Variants in RLIM observed in about 807,000 individuals in gnomAD.
RLIM encodes E3 ubiquitin-protein ligase RLIM.
In RLIM, 2 loss-of-function variants were observed where a neutral mutation model predicts 34.0. That is an observed-to-expected ratio of 0.06 (90% CI 0.02 to 0.19). The LOEUF (loss-of-function observed/expected upper bound fraction) is 0.19, where lower values mean the gene tolerates loss of function less well. Ranked by LOEUF, RLIM falls within the 10% of genes least tolerant of loss-of-function variation. The pLI is 1.00. For synonymous variants in RLIM, 169 were observed against 164.0 expected, an observed-to-expected ratio of 1.03 and a Z score of -0.23; for missense variants, 286 against 479.7, an observed-to-expected ratio of 0.60 and a Z score of 3.77.
In RLIM at chrX:74,595,852, T is replaced by C. The variant is rs1464627509; in HGVS notation, c.126A>G (p.Glu42=). The C allele has an allele frequency of 1.7e-6, 2 of 1,207,614 alleles. No individual in the cohort carries two copies. ...TGTTATCTCTCATAAGCCTATAATC[T>C]TCTTCACTCAGGTTATTTACAAATT... ...FYQFVNNLSE[E]DYRLMRDNNL... is the part of the protein sequence containing the mutation. Residue 42 remains glutamate, a synonymous_variant, in exon 2 of 4, where the codon GAA becomes GAG. Transcript: ENST00000332687.
chrX:74,587,540 A>T lies in RLIM; in HGVS notation c.*3900T>A, dbSNP rs751523159. 1.3e-4 allele frequency: 14 copies of T among 111,920 alleles called. No individual in the cohort carries two copies. The highest frequency in any genetic ancestry group is 2.6e-4 in the Non-Finnish European group (14 of 53,199). The allele number at this position is 111,920 out of a possible 1,213,427, so 9.2% of individuals were successfully genotyped here. On this transcript the variant is annotated 3_prime_UTR_variant, in exon 4 of 4. Transcript: ENST00000332687. ...CAAAGGAGAAAAGGGGAAGAATAAA[A>T]ACATTCTCCATCTTTAAAAGAAAAA...
intron 1 of RLIM, among the ~76,000 whole-genome samples, chrX:74,600,098 C>G (rs1457850821): frequency 9.1e-6 from 1 of 109,972 alleles, no homozygotes; most frequent in Non-Finnish European, 1.9e-5. Flanking sequence ...ATGAGTATGT[C>G]AAGAAATGTG....
At chrX:74,603,649 C>G (rs2079670334) in intron 1 of RLIM, among the ~76,000 whole-genome samples, 1 of 111,789 alleles carries the variant, frequency 8.9e-6, no homozygotes, top group African/African-American at 3.3e-5. Flanking sequence ...AATGTGAACA[C>G]TGAGTTCATT....
chrX:74,604,520 C>T (rs1245405469), intron 1 of RLIM, among the ~76,000 whole-genome samples: 1 of 111,394 alleles, frequency 9.0e-6, no homozygotes, highest in Non-Finnish European at 1.9e-5. Context: ...CCACTATTTG[C>T]ATCCCCTTTA....
intron 1 of RLIM, among the ~76,000 whole-genome samples, chrX:74,600,218 T>C (rs1176699502): frequency 1.8e-5 from 2 of 110,497 alleles, no homozygotes; most frequent in South Asian, 7.6e-4. Context: ...GGTTACTTTA[T>C]AATACTTGAA....
intron 1 of RLIM, among the ~76,000 whole-genome samples, chrX:74,596,353 C>A (rs1168813960): frequency 8.9e-6 from 1 of 112,098 alleles, no homozygotes; most frequent in African/African-American, 3.2e-5. Flanking sequence ...TCAAGTGATT[C>A]TCTGCCTCAG....
Position 74,587,868 on chromosome X carries a change from C to G in RLIM, c.*3572G>C, listed in dbSNP as rs1332505271. Reference sequence around the variant, plus strand: ...ACATTACTTGAGGCAACACTTACAGCCAATCAGTTTCCTAATCTTAAGGTT... The same window carrying G: ...ACATTACTTGAGGCAACACTTACAGGCAATCAGTTTCCTAATCTTAAGGTT... On this transcript the variant is annotated 3_prime_UTR_variant, in exon 4 of 4. Coordinates refer to ENST00000332687, the MANE Select transcript of RLIM (RefSeq NM_016120.4). 1.8e-5 allele frequency: 2 copies of G among 112,193 alleles called. No homozygotes were observed. Among genetic ancestry groups the G allele is most frequent in the South Asian group, 7.3e-4 (2 of 2,732 alleles). The allele number at this position is 112,193 out of a possible 1,213,427, so 9.2% of individuals were successfully genotyped here.
At chrX:74,609,924 T>C (rs2079701279) in intron 1 of RLIM, among the ~76,000 whole-genome samples, 1 of 112,146 alleles carries the variant, frequency 8.9e-6, no homozygotes, top group Non-Finnish European at 1.9e-5. Context: ...ACACAAATAC[T>C]TCCTTTCTCC....
At chrX:74,594,260 T>C (rs768925136) in intron 3 of RLIM, 46 bp downstream of exon 3, 26 of 933,609 alleles carry the variant, frequency 2.8e-5, no homozygotes, top group Non-Finnish European at 3.1e-5. Flanking sequence ...ACAAAGTTCC[T>C]ATCATCCCAT....
rs751313592 is a variant in RLIM, at chrX:74,586,599, A to G, written c.*4841T>C. On this transcript the variant is annotated 3_prime_UTR_variant, in exon 4 of 4. Coordinates refer to ENST00000332687, the MANE Select transcript of RLIM (RefSeq NM_016120.4). ...CAGTTCTAACACTGTTATACAGCTC[A>G]ATTCTATGCTGCAGCCTTTAAGATA... The G allele has an allele frequency of 8.0e-5, 9 of 112,487 alleles. No homozygotes were observed. The highest frequency in any genetic ancestry group is 2.9e-4 in the African/African-American group (9 of 31,031). 9.3% of individuals were successfully genotyped at this position (112,487 alleles called of 1,213,427 possible).
intron 1 of RLIM, among the ~76,000 whole-genome samples, chrX:74,609,687 A>T (rs753220518): frequency 1.8e-5 from 2 of 110,109 alleles, no homozygotes; most frequent in African/African-American, 6.6e-5. Flanking sequence ...TGTCCAGAAG[A>T]GTAAGGGTTT....
intron 1 of RLIM, among the ~76,000 whole-genome samples, chrX:74,600,777 G>A (rs1404345823): frequency 9.3e-6 from 1 of 107,084 alleles, no homozygotes; most frequent in East Asian, 2.9e-4. Context: ...TCTGGGAGGC[G>A]GAGGCAGGTG....
At position 74,589,120 on chromosome X, in the gene RLIM, C is replaced by T. The variant is rs964210902; in HGVS notation, c.*2320G>A. ...AGCATTCTGCTTGAGTTACCTCTTA[C>T]TTTAATACTTCACAAATGAGTAAGT... On this transcript the variant is annotated 3_prime_UTR_variant, in exon 4 of 4. Transcript: ENST00000332687. 8.9e-6 allele frequency: 1 copy of T among 111,808 alleles called. No homozygotes were observed. The highest frequency in any genetic ancestry group is 1.9e-5 in the Non-Finnish European group (1 of 53,187). The allele number at this position is 111,808 out of a possible 1,213,427, so 9.2% of individuals were successfully genotyped here. A position where few individuals can be genotyped will look rare whatever the true frequency, so the allele number is the denominator to read the frequency against.
In RLIM at chrX:74,590,182, G is replaced by A. The variant is rs2079606190; in HGVS notation, c.*1258C>T. On this transcript the variant is annotated 3_prime_UTR_variant, in exon 4 of 4. Transcript: ENST00000332687. ...CAACTGCAATTCATATGCTAAAAGT[G>A]GTTTTATAGTCTCTTTCCTCCATTT... 1 of 111,654 alleles carries A rather than the reference G, an allele frequency of 9.0e-6. No individual in the cohort carries two copies. The highest frequency in any genetic ancestry group is 1.9e-5 in the Non-Finnish European group (1 of 53,124). The allele number at this position is 111,654 out of a possible 1,213,427, so 9.2% of individuals were successfully genotyped here.
At position 74,594,306 on chromosome X, in the gene RLIM, C is replaced by T. The variant is rs759095942; in HGVS notation, c.253G>A (p.Gly85Arg). The change falls in exon 3 of 4, where the codon GGA becomes AGA. Residue 85 changes from glycine to arginine, a missense_variant and splice_region_variant. Gly to Arg is a moderately radical substitution (Grantham distance 125, BLOSUM62 -2). Around this residue, in one of 6 missense-constraint regions of RLIM, gnomAD observed 62 missense variants for 71.3 expected, o/e 0.87. Transcript: ENST00000332687. ...CCTCCCCACCAAAACCAAAACATAC[C>T]TCTATTTTCATCTGAGTTTTGCGGT... ...PPPQNSDENR[G>R]GDSSDDVSNG... The T allele has an allele frequency of 1.7e-6, 2 of 1,199,706 alleles. No homozygotes were observed. Among genetic ancestry groups the T allele is most frequent in the Non-Finnish European group, 2.2e-6 (2 of 890,340 alleles).
intron 1 of RLIM, among the ~76,000 whole-genome samples, chrX:74,606,565 T>C (rs1191439847): frequency 8.9e-6 from 1 of 112,082 alleles, no homozygotes; most frequent in Non-Finnish European, 1.9e-5. Context: ...TTCTAATCCA[T>C]GCACACCAAA....
In RLIM at chrX:74,613,627, A is replaced by AC. The variant is rs770102054; in HGVS notation, c.-24+794dup. Among the ~76,000 whole-genome samples the AC allele has an allele frequency of 6.8e-4, 53 of 77,879 alleles. No homozygotes were observed. The Admixed American group carries it at 7.1e-3, about 10-fold the overall frequency. 67.6% of individuals were successfully genotyped at this position (77,879 alleles called of 115,157 possible). On this transcript the variant is annotated intron_variant, in intron 1 of 3. Transcript: ENST00000332687. ...GCAGGTACCGTCTGCAGAAGCAGAG[A>AC]CCCCCCTAGGCTTTTTTTTTTTTTT...
At chrX:74,595,488 C>T (rs1186700756) in intron 2 of RLIM, among the ~76,000 whole-genome samples, 1 of 110,995 alleles carries the variant, frequency 9.0e-6, no homozygotes, top group Non-Finnish European at 1.9e-5. Flanking sequence ...ACTAAGTTCC[C>T]ATTAGCTATT....
chrX:74,592,412 T>G lies in RLIM; in HGVS notation c.903A>C (p.Ser301=). The part of the protein sequence containing the change: ...TRNASQGAGS[S]DTAASGESTG... ...TAGATTCACCACTGGCAGCTGTGTC[T>G]GAAGAACCTGCTCCTTGAGAAGCAT... The change falls in exon 4 of 4, where the codon TCA becomes TCC. Residue 301 remains serine (S), a synonymous_variant. Transcript: ENST00000332687. 2 of 1,211,933 alleles carry G rather than the reference T, an allele frequency of 1.7e-6. No individual in the cohort carries two copies. Among genetic ancestry groups the G allele is most frequent in the Non-Finnish European group, 2.2e-6 (2 of 895,540 alleles).
Sources: allele counts gnomAD v4.1 joint callset (sites outside exome capture counted in the v4.1 genomes callset), GRCh38; gene constraint gnomAD v4.1.1; regional missense constraint gnomAD v4.1.1; transcripts MANE v1.5; gene names NCBI Gene and HGNC (gene_info 2026-07-23, HGNC 2026-07-21).